The following ZNF701 variants were observed in gnomAD, a reference collection of about 807,000 sequenced individuals.
ZNF701 encodes zinc finger protein 701.
In ZNF701, 6 loss-of-function variants were observed where a neutral mutation model predicts 7.1. That is an observed-to-expected ratio of 0.84 (90% CI 0.46 to 1.66). The LOEUF is 1.66. ZNF701 is among the 40% of genes most tolerant of loss of function. The pLI, the probability that ZNF701 is intolerant of heterozygous loss-of-function variation, is 0.01. For missense variants in ZNF701, 541 were observed against 559.2 expected (o/e 0.97, Z 0.33); for synonymous variants, 166 against 188.2 (o/e 0.88, Z 0.97).
chr19:52,595,805 G>A, the ZNF701 span: 3 of 1,605,824 alleles, frequency 1.9e-6, no homozygotes, highest in Non-Finnish European at 2.6e-6. Flanking sequence ...TGGCCATGAA[G>A]CACCCATGAC....
Position 52,583,252 on chromosome 19 carries a change from T to A in ZNF701, c.1193T>A (p.Val398Glu). 6.2e-7 allele frequency: 1 copy of A among 1,610,080 alleles called. No individual in the cohort carries two copies. The highest frequency in any genetic ancestry group is 8.5e-7 in the Non-Finnish European group (1 of 1,177,066). The change falls in exon 4 of 4, where the codon GTA becomes GAA. Residue 398 changes from valine to glutamate, a missense_variant. Val to Glu is a moderately radical substitution (Grantham distance 121). Coordinates refer to ENST00000391785, the MANE Select transcript of ZNF701 (RefSeq NM_018260.3). ...GKTFVQNSSL[V>E]MHKVIHTGEK... is the part of the protein sequence containing the mutation. ...ACCTTTGTTCAAAATTCATCTCTTG[T>A]AATGCATAAGGTCATTCATACTGGA...
chr19:52,585,852 G>A lies in ZNF701; in HGVS notation c.*2395G>A, dbSNP rs1472728984. 6.6e-6 allele frequency: 1 copy of A among 152,334 alleles called. No individual in the cohort carries two copies. The highest frequency in any genetic ancestry group is 1.5e-5 in the Non-Finnish European group (1 of 68,118). The allele number at this position is 152,334 out of a possible 1,614,324, so 9.4% of individuals were successfully genotyped here. A position where few individuals can be genotyped will look rare whatever the true frequency, so the allele number is the denominator to read the frequency against. On this transcript the variant is annotated 3_prime_UTR_variant, in exon 4 of 4. Coordinates refer to ENST00000391785, the MANE Select transcript of ZNF701 (RefSeq NM_018260.3). ...GGTGCTTGGCCTTGGCCACTCCTGGGCTCTTTCTCTTTCCACCTGCGACCT... is the reference window on the plus strand; with the variant it reads ...GGTGCTTGGCCTTGGCCACTCCTGGACTCTTTCTCTTTCCACCTGCGACCT...
At chr19:52,596,160 T>A in the ZNF701 span, 1 of 703,936 alleles carries the variant, frequency 1.4e-6, no homozygotes, top group Non-Finnish European at 2.5e-6. Flanking sequence ...AGCTCATGTT[T>A]AAGGAGACAT....
the ZNF701 span, chr19:52,595,550 G>C: frequency 6.0e-6 from 4 of 661,748 alleles, no homozygotes; most frequent in Non-Finnish European, 9.9e-6. Context: ...GACTACAGGT[G>C]TGAGCCACTG....
At chr19:52,595,492 G>A in the ZNF701 span, 78 of 381,112 alleles carry the variant, frequency 2.0e-4, no homozygotes, top group East Asian at 3.3e-3. Flanking sequence ...GGATGGTCTC[G>A]AGCTCCTGAC....
downstream of ZNF701, among the ~76,000 whole-genome samples, chr19:52,588,081 C>G (rs1280259753): frequency 2.0e-5 from 3 of 152,158 alleles, no homozygotes; most frequent in Non-Finnish European, 4.4e-5. Context: ...TGTGGGATGT[C>G]CTTATGTCTG....
intron 3 of ZNF701, among the ~76,000 whole-genome samples, chr19:52,576,951 C>G (rs888718900): frequency 6.6e-6 from 1 of 152,068 alleles, no homozygotes; most frequent in Admixed American, 6.6e-5. Flanking sequence ...GGTAAGAGCT[C>G]AGATGGGCAG....
chr19:52,599,448 A>C, the ZNF701 span, among the ~76,000 whole-genome samples: 1 of 152,186 alleles, frequency 6.6e-6, no homozygotes. Flanking sequence ...AACTTCTAAG[A>C]GTTTTCCTGT....
At chr19:52,572,057 A>G (rs1459184617) in intron 1 of ZNF701, among the ~76,000 whole-genome samples, 3 of 152,072 alleles carry the variant, frequency 2.0e-5, no homozygotes, top group Non-Finnish European at 2.9e-5. Context: ...TCCTGACCTC[A>G]GGTGATCTGC....
At position 52,583,056 on chromosome 19, in the gene ZNF701, A is replaced by G. The variant is rs756595202; in HGVS notation, c.997A>G (p.Lys333Glu). ...ACCTTACAAATGTGAAGAATGTGAC[A>G]AAGTTTTCAGTCGCAAATCACACCT... Reference protein sequence around the residue: ...EKPYKCEECDKVFSRKSHLER... With the variant: ...EKPYKCEECDEVFSRKSHLER... Residue 333 changes from lysine to glutamate, a missense_variant, in exon 4 of 4, where the codon AAA becomes GAA. Coordinates refer to ENST00000391785, the MANE Select transcript of ZNF701 (RefSeq NM_018260.3). The G allele has an allele frequency of 2.2e-5, 35 of 1,613,776 alleles. No homozygotes were observed. Among genetic ancestry groups the G allele is most frequent in the Middle Eastern group, 1.6e-4 (1 of 6,080 alleles).
At chr19:52,572,429 G>A in intron 1 of ZNF701, 1 of 1,275,012 alleles carries the variant, frequency 7.8e-7, no homozygotes, top group Non-Finnish European at 1.0e-6. Context: ...TTTCTTGTGA[G>A]GAAGAATTAA....
chr19:52,592,150 T>C (rs1600097486), downstream of ZNF701: 1 of 1,465,234 alleles, frequency 6.8e-7, no homozygotes, highest in Admixed American at 1.8e-5. Flanking sequence ...TTTGGAGGAG[T>C]GGAAATGCCT....
At position 52,584,741 on chromosome 19, in the gene ZNF701, T is replaced by G. The variant is rs903748681; in HGVS notation, c.*1284T>G. 6.6e-6 allele frequency: 1 copy of G among 152,224 alleles called. No homozygotes were observed. Among genetic ancestry groups the G allele is most frequent in the African/African-American group, 2.4e-5 (1 of 41,458 alleles). The allele number at this position is 152,224 out of a possible 1,614,324, so 9.4% of individuals were successfully genotyped here. On this transcript the variant is annotated 3_prime_UTR_variant, in exon 4 of 4. Transcript: ENST00000391785. The stretch of plus-strand genomic sequence containing the variant: ...TAAATTTTTTATTGTTTATGGAAAT[T>G]CAATTAATTTTTGGTGCTGCTATTG...
chr19:52,598,826 C>T, the ZNF701 span: 2 of 152,182 alleles, frequency 1.3e-5, no homozygotes, highest in Admixed American at 1.3e-4. Flanking sequence ...GGGAGGATCA[C>T]TTGAGCCAGA....
At chr19:52,587,405 C>T (rs868427313), downstream of ZNF701, among the ~76,000 whole-genome samples, 196 of 152,270 alleles carry the variant, frequency 1.3e-3, 1 homozygote, top group African/African-American at 4.5e-3. Flanking sequence ...TGAGGTTGCT[C>T]CTATCTCAGG....
chr19:52,573,429 G>T (rs1375848458), intron 1 of ZNF701, among the ~76,000 whole-genome samples: 1 of 152,084 alleles, frequency 6.6e-6, no homozygotes, highest in Non-Finnish European at 1.5e-5. Context: ...TAGATATGGG[G>T]TTTCACCATG....
chr19:52,577,494 T>TATTA (rs2059942485), intron 3 of ZNF701, among the ~76,000 whole-genome samples: 2 of 70,572 alleles, frequency 2.8e-5, no homozygotes, highest in Non-Finnish European at 5.5e-5. Context: ...CATGGACAAT[T>TATTA]ATCAATCATT....
At chr19:52,596,064 ATTC>A in the ZNF701 span, 1 of 1,263,710 alleles carries the variant, frequency 7.9e-7, no homozygotes, top group Non-Finnish European at 1.1e-6. Flanking sequence ...AATTTCCTCT[ATTC>A]TTCATTATTC....
At chr19:52,589,212 C>T (rs7247002), downstream of ZNF701, among the ~76,000 whole-genome samples, 18 of 151,986 alleles carry the variant, frequency 1.2e-4, no homozygotes, top group African/African-American at 4.4e-4. Context: ...AAATCTTACT[C>T]CTGTGGTCTT....
Sources: allele counts gnomAD v4.1 joint callset (sites outside exome capture counted in the v4.1 genomes callset), GRCh38; gene constraint gnomAD v4.1.1; transcripts MANE v1.5; gene names NCBI Gene and HGNC (gene_info 2026-07-23, HGNC 2026-07-21).